MUC5AC: variants seen among roughly 807,000 people sequenced by gnomAD.
MUC5AC encodes the protein mucin-5AC.
MUC5AC carries 158 observed loss-of-function variants against 169.7 expected under a neutral mutation model. That is an observed-to-expected ratio of 0.93 (90% CI 0.82 to 1.06). The LOEUF (loss-of-function observed/expected upper bound fraction) is 1.06, where lower values mean the gene tolerates loss of function less well. MUC5AC is among the 50% of genes least tolerant of loss of function. The pLI, the probability that MUC5AC is intolerant of heterozygous loss-of-function variation, is 0.00. For synonymous variants in MUC5AC, 1,975 were observed against 1,237.0 expected, an observed-to-expected ratio of 1.60 and a Z score of -12.52; for missense variants, 4,359 against 3,089.9, an observed-to-expected ratio of 1.41 and a Z score of -9.74.
chr11:1,199,311 T>A (rs1201976355), intron 45 of MUC5AC, 60 bp from the exon 46 acceptor site: 1 of 698,242 alleles, frequency 1.4e-6, no homozygotes, highest in Non-Finnish European at 2.6e-6. Flanking sequence ...CGGGCTGGGG[T>A]GCAGACAGAG....
chr11:1,181,043 G>A (rs1427307462), intron 28 of MUC5AC, 96 bp from the exon 29 acceptor site: 17 of 398,258 alleles, frequency 4.3e-5, no homozygotes, highest in South Asian at 2.6e-4. Context: ...CACCCCTGTC[G>A]GAGCTGCTCC....
chr11:1,162,858 C>T (rs1488343587), intron 5 of MUC5AC, 97 bp from the exon 6 acceptor site: 63 of 1,269,722 alleles, frequency 5.0e-5, no homozygotes, highest in South Asian at 3.0e-4. Flanking sequence ...GTGTCTCTTC[C>T]GTGGGCCTCG....
Position 1,192,056 on chromosome 11 carries a change from C to A in MUC5AC, c.13911C>A (p.Phe4637Leu), listed in dbSNP as rs75618268. 1.3e-6 allele frequency: 1 copy of A among 765,104 alleles called. No individual in the cohort carries two copies. 47.4% of individuals were successfully genotyped at this position (765,104 alleles called of 1,614,324 possible). Residue 4637 changes from phenylalanine (F) to leucine (L), a missense_variant, in exon 31 of 49, where the codon TTC becomes TTA. Physicochemically the swap from Phe to Leu is conservative, Grantham distance 22 (BLOSUM62 0). Coordinates refer to ENST00000621226, the MANE Select transcript of MUC5AC (RefSeq NM_001304359.2). ...CHPLCAWTKW[F>L]DVDFPSPGPH... ...CTCTGTGCGCCTGGACAAAGTGGTTCGACGTGGACTTCCCATCCCCTGGAC... is the reference window on the plus strand; with the variant it reads ...CTCTGTGCGCCTGGACAAAGTGGTTAGACGTGGACTTCCCATCCCCTGGAC...
rs146542111 is a variant in MUC5AC, at chr11:1,167,804, G to A, written c.1387-73G>A. 807 of 1,282,980 alleles carry A rather than the reference G, an allele frequency of 6.3e-4. 7 individuals are homozygous for A. The African/African-American group carries it at 0.01, about 16-fold the overall frequency. The allele number at this position is 1,282,980 out of a possible 1,614,324, so 79.5% of individuals were successfully genotyped here. On this transcript the variant is annotated intron_variant, in intron 11 of 48. Coordinates refer to ENST00000621226, the MANE Select transcript of MUC5AC (RefSeq NM_001304359.2). ...CTAGTGAGGGAGAGGAGCACAGCCG[G>A]GTGGACTGGCAGGGCCAGGTGGGCT... is the stretch of plus-strand genomic sequence containing the variant.
chr11:1,192,917 C>G lies in MUC5AC; in HGVS notation c.14515C>G (p.Pro4839Ala). The change falls in exon 32 of 49, where the codon CCT becomes GCT. Residue 4839 changes from proline to alanine, a missense_variant. Coordinates refer to ENST00000621226, the MANE Select transcript of MUC5AC (RefSeq NM_001304359.2). ...GCTGCCTCCTGCCCCAGCCACGTCC[C>G]CTTCAATATCCACCTCCGAGCCCGT... ...TTLPPAPATS[P>A]SISTSEPVTE... is the part of the protein sequence containing the mutation. 1 of 761,628 alleles carries G rather than the reference C, an allele frequency of 1.3e-6. No homozygotes were observed. The highest frequency in any genetic ancestry group is 1.3e-5 in the South Asian group (1 of 74,088). The allele number at this position is 761,628 out of a possible 1,614,324, so 47.2% of individuals were successfully genotyped here.
In MUC5AC at chr11:1,164,534, T is replaced by G; in HGVS notation, c.1129+2T>G. On this transcript the variant is annotated splice_donor_variant, in intron 9 of 48. Transcript: ENST00000621226. LOFTEE classifies it high-confidence loss of function. ...TGGCCGGCTGCTTCTGCCCTGAGGG[T>G]GAGGCTCCCCCGCCCCTGGGAAACA... 6.2e-7 allele frequency: 1 copy of G among 1,606,304 alleles called. No individual in the cohort carries two copies. Among genetic ancestry groups the G allele is most frequent in the Non-Finnish European group, 8.5e-7 (1 of 1,176,916 alleles).
In MUC5AC at chr11:1,190,599, A is replaced by T. The variant is rs1292528942; in HGVS notation, c.12454A>T (p.Ser4152Cys). 2 of 694,678 alleles carry T rather than the reference A, an allele frequency of 2.9e-6. No homozygotes were observed. Among genetic ancestry groups the T allele is most frequent in the Non-Finnish European group, 5.3e-6 (2 of 380,898 alleles). The allele number at this position is 694,678 out of a possible 1,614,324, so 43.0% of individuals were successfully genotyped here. The change falls in exon 31 of 49, where the codon AGC becomes TGC. Residue 4152 changes from serine to cysteine, a missense_variant. Physicochemically the swap from Ser to Cys is moderately radical, Grantham distance 112. Transcript: ENST00000621226. ...CAGAACGACTTCTGGTCCTACAACC[A>T]GCACAACCTTGGCTCCTACAACCAG... ...THRTTSGPTT[S>C]TTLAPTTSTT...
Position 1,196,069 on chromosome 11 carries a change from T to C in MUC5AC, c.15637+15T>C, listed in dbSNP as rs1183097267. The C allele has an allele frequency of 1.3e-6, 1 of 760,968 alleles. No homozygotes were observed. The highest frequency in any genetic ancestry group is 1.3e-5 in the South Asian group (1 of 74,172). 47.1% of individuals were successfully genotyped at this position (760,968 alleles called of 1,614,324 possible). A position where few individuals can be genotyped will look rare whatever the true frequency, so the allele number is the denominator to read the frequency against. On this transcript the variant is annotated intron_variant, in intron 37 of 48. Coordinates refer to ENST00000621226, the MANE Select transcript of MUC5AC (RefSeq NM_001304359.2). ...CCACATGTGCCGTGAGTGCCACCAC[T>C]GTCCTCAGGGTCCCAAGTCGCTTGT...
At position 1,182,652 on chromosome 11, in the gene MUC5AC, G is replaced by T. The variant is rs1860842804; in HGVS notation, c.4507G>T (p.Ala1503Ser). Residue 1503 changes from alanine to serine, a missense_variant, in exon 31 of 49, where the codon GCC (alanine) becomes TCC (serine). Physicochemically the swap from Ala to Ser is moderately conservative, Grantham distance 99. Transcript: ENST00000621226. ...TACCTCCAAGACCACTGAAACCCGG[G>T]CCTCAGGCTCCTCAGCTCCCAGCAG... ...PTTSKTTETRASGSSAPSSTP... is the reference protein window; with the variant it reads ...PTTSKTTETRSSGSSAPSSTP... The T allele has an allele frequency of 5.0e-6, 2 of 399,294 alleles. No homozygotes were observed. The highest frequency in any genetic ancestry group is 2.6e-4 in the South Asian group (2 of 7,842). 24.7% of individuals were successfully genotyped at this position (399,294 alleles called of 1,614,324 possible).
rs772610996 is a variant in MUC5AC, at chr11:1,157,985, C to T, written c.-15C>T. 1.3e-6 allele frequency: 2 copies of T among 1,578,922 alleles called. No individual in the cohort carries two copies. The highest frequency in any genetic ancestry group is 2.3e-5 in the South Asian group (2 of 85,962). On this transcript the variant is annotated 5_prime_UTR_variant, in exon 1 of 49. Coordinates refer to ENST00000621226, the MANE Select transcript of MUC5AC (RefSeq NM_001304359.2). The stretch of plus-strand genomic sequence containing the variant: ...GCTGCTGAGGGACAGGGCACTCTTC[C>T]CCGCCGTCCACACAATGAGTGTTGG...
rs1860857509 is a variant in MUC5AC, at chr11:1,183,473, T to C, written c.5328T>C (p.Ser1776=). The C allele has an allele frequency of 6.8e-6, 4 of 585,222 alleles. No individual in the cohort carries two copies. The highest frequency in any genetic ancestry group is 4.3e-5 in the African/African-American group (2 of 46,934). The allele number at this position is 585,222 out of a possible 1,614,324, so 36.3% of individuals were successfully genotyped here. The change falls in exon 31 of 49, where the codon AGT becomes AGC. Residue 1776 remains serine, a synonymous_variant. Transcript: ENST00000621226. ...DKETYNNIIR[S]GEKICRRPEE... is the part of the protein sequence containing the mutation. ...AAACCTACAACAACATCATCAGGAGTGGGGAAAAAATCTGCCGCCGACCTG... is the reference window on the plus strand; with the variant it reads ...AAACCTACAACAACATCATCAGGAGCGGGGAAAAAATCTGCCGCCGACCTG...
rs1218137312 is a variant in MUC5AC, at chr11:1,192,518, C to A, written c.14373C>A (p.Tyr4791Ter). ...TCTGCAACGTGGCTGACCGGCTCTA[C>A]CCTGCAGGTTCGTGAGTGTTTCTGG... is the stretch of plus-strand genomic sequence containing the variant. Reference protein sequence around the residue: ...TCFCNVADRLYPAGSTIYRHR... With the variant: ...TCFCNVADRL The change falls in exon 31 of 49, where the codon TAC becomes TAA. Residue 4791 changes from tyrosine to a stop codon, truncating the protein, a stop_gained. Coordinates refer to ENST00000621226, the MANE Select transcript of MUC5AC (RefSeq NM_001304359.2). LOFTEE classifies it high-confidence loss of function. 2.6e-6 allele frequency: 2 copies of A among 764,636 alleles called. 1 individual carries two copies. Among genetic ancestry groups the A allele is most frequent in the South Asian group, 2.7e-5 (2 of 74,620 alleles). 47.4% of individuals were successfully genotyped at this position (764,636 alleles called of 1,614,324 possible). A position where few individuals can be genotyped will look rare whatever the true frequency, so the allele number is the denominator to read the frequency against.
At position 1,168,683 on chromosome 11, in the gene MUC5AC, G is replaced by A. The variant is rs747661460; in HGVS notation, c.1609G>A (p.Ala537Thr). ...CAGACCCTCAACCTTCTTCATCATCGCCCAGACCAGCCTGGGCCTGCAGCT... is the reference window on the plus strand; with the variant it reads ...CAGACCCTCAACCTTCTTCATCATCACCCAGACCAGCCTGGGCCTGCAGCT... ...IFRPSTFFII[A>T]QTSLGLQLNL... Residue 537 changes from alanine (A) to threonine (T), a missense_variant, in exon 14 of 49, where the codon GCC becomes ACC. Ala to Thr is a moderately conservative substitution (Grantham distance 58, BLOSUM62 0). Transcript: ENST00000621226. The A allele has an allele frequency of 2.5e-6, 4 of 1,610,842 alleles. No individual in the cohort carries two copies. Among genetic ancestry groups the A allele is most frequent in the Non-Finnish European group, 3.4e-6 (4 of 1,178,320 alleles).
rs1246590386 is a variant in MUC5AC, at chr11:1,194,327, C to T, written c.14973C>T (p.Thr4991=). The change falls in exon 34 of 49, where the codon ACC becomes ACT. Residue 4991 remains threonine, a synonymous_variant. Coordinates refer to ENST00000621226, the MANE Select transcript of MUC5AC (RefSeq NM_001304359.2). ...ACCACCAGGACCGCGTGGTGCTGAC[C>T]CGCAAGCCAGTCCACGGGGTGATGA... ...LEYHQDRVVL[T]RKPVHGVMTN... 1 of 733,920 alleles carries T rather than the reference C, an allele frequency of 1.4e-6. No individual in the cohort carries two copies. Among genetic ancestry groups the T allele is most frequent in the Non-Finnish European group, 2.5e-6 (1 of 403,978 alleles). The allele number at this position is 733,920 out of a possible 1,614,324, so 45.5% of individuals were successfully genotyped here.
intron 5 of MUC5AC, 73 bp from the exon 6 acceptor site, chr11:1,162,882 A>C: frequency 6.9e-7 from 1 of 1,456,554 alleles, no homozygotes; most frequent in Non-Finnish European, 9.6e-7. Context: ...CCTCCTCGGA[A>C]ATCTCAGGCT....
chr11:1,194,272 T>C lies in MUC5AC; in HGVS notation c.14918T>C (p.Leu4973Pro), dbSNP rs1463283216. 1 of 763,318 alleles carries C rather than the reference T, an allele frequency of 1.3e-6. No individual in the cohort carries two copies. The highest frequency in any genetic ancestry group is 2.4e-5 in the East Asian group (1 of 41,154). The allele number at this position is 763,318 out of a possible 1,614,324, so 47.3% of individuals were successfully genotyped here. Residue 4973 changes from leucine (L) to proline (P), a missense_variant, in exon 34 of 49, where the codon CTC (leucine) becomes CCC (proline). Physicochemically the swap from Leu to Pro is moderately conservative, Grantham distance 98. Transcript: ENST00000621226. Reference sequence around the variant, plus strand: ...TACTTCTGCGGTGCGGAGGACGGGCTCTCCTGCCCGAGGTCCATCATCCTG... The same window carrying C: ...TACTTCTGCGGTGCGGAGGACGGGCCCTCCTGCCCGAGGTCCATCATCCTG... Reference protein sequence around the residue: ...DNYFCGAEDGLSCPRSIILEY... With the variant: ...DNYFCGAEDGPSCPRSIILEY...
chr11:1,197,375 C>G (rs1861302871), intron 40 of MUC5AC, 93 bp from the exon 41 acceptor site: 1 of 664,798 alleles, frequency 1.5e-6, no homozygotes, highest in East Asian at 2.7e-5. Context: ...GGCCTCCACA[C>G]CTGGCTGCCC....
chr11:1,164,618 C>A, intron 9 of MUC5AC, 86 bp downstream of exon 9: 1 of 1,478,938 alleles, frequency 6.8e-7, no homozygotes, highest in South Asian at 1.4e-5. Flanking sequence ...GGAAGAAGGA[C>A]CCCAGTCCTA....
At position 1,163,979 on chromosome 11, in the gene MUC5AC, C is replaced by T. The variant is rs768450221; in HGVS notation, c.777C>T (p.Cys259=). 7 of 1,610,644 alleles carry T rather than the reference C, an allele frequency of 4.3e-6. No individual in the cohort carries two copies. Among genetic ancestry groups the T allele is most frequent in the South Asian group, 1.1e-5 (1 of 90,712 alleles). Residue 259 remains cysteine, a synonymous_variant, in exon 7 of 49, where the codon TGC becomes TGT. Coordinates refer to ENST00000621226, the MANE Select transcript of MUC5AC (RefSeq NM_001304359.2). ...QDPVPEPPRN[C]STGFGICEEL... is the part of the protein sequence containing the mutation. ...CTGTCCCTGAACCCCCGAGGAACTG[C>T]TCCACTGGCTTTGTAAGCCTTGGAG...
Sources: gnomAD v4.1 joint callset for allele counts on GRCh38, gnomAD v4.1.1 for gene constraint, MANE v1.5 for transcripts, NCBI Gene and HGNC (gene_info 2026-07-23, HGNC 2026-07-21) for gene names.